The following KCNMA1 variants were observed in gnomAD, a reference collection of about 807,000 sequenced individuals.
KCNMA1 encodes Calcium-activated potassium channel subunit alpha-1.
Under a neutral mutation model 140.0 loss-of-function variants are expected in KCNMA1, and 29 were observed. That is an observed-to-expected ratio of 0.21 (90% CI 0.15 to 0.28). The LOEUF is 0.28. Among genes scored for constraint, KCNMA1 ranks in the 10% least tolerant of loss-of-function variants. The pLI is 1.00. For missense variants in KCNMA1, 880 were observed against 1,602.2 expected (o/e 0.55, Z 7.70); for synonymous variants, 612 against 611.9 (o/e 1.00, Z 0.00).
intron 2 of KCNMA1, among the ~76,000 whole-genome samples, chr10:77,285,047 T>C (rs993224558): frequency 1.3e-5 from 2 of 152,200 alleles, no homozygotes; most frequent in African/African-American, 4.8e-5. Context: ...CTGTAAGCAT[T>C]AACAGTTTGT....
intron 2 of KCNMA1, among the ~76,000 whole-genome samples, chr10:77,297,585 T>C (rs1026603762): frequency 2.0e-5 from 3 of 152,158 alleles, no homozygotes; most frequent in Non-Finnish European, 4.4e-5. Flanking sequence ...TGAACCTATT[T>C]GGTAAACTGT....
At chr10:76,910,194 T>C (rs1265746728) in intron 24 of KCNMA1, 98 bp from the exon 25 acceptor site, 2 of 1,381,328 alleles carry the variant, frequency 1.4e-6, no homozygotes, top group African/African-American at 1.4e-5. Context: ...ACTGAAGTCA[T>C]TGAGAAGGAA....
At chr10:77,057,252 G>A (rs529731465) in intron 14 of KCNMA1, among the ~76,000 whole-genome samples, 1 of 152,180 alleles carries the variant, frequency 6.6e-6, no homozygotes, top group African/African-American at 2.4e-5. Flanking sequence ...AAACAATGGA[G>A]GCAAGAAGAA....
intron 3 of KCNMA1, among the ~76,000 whole-genome samples, chr10:77,198,525 TTTC>T (rs1223319341): frequency 6.7e-6 from 1 of 149,870 alleles, no homozygotes; most frequent in Non-Finnish European, 1.5e-5. Context: ...CTCAAAGGTA[TTTC>T]TTATCAAAAT....
chr10:77,007,119 C>T (rs1017492520), intron 18 of KCNMA1, among the ~76,000 whole-genome samples: 2 of 152,184 alleles, frequency 1.3e-5, no homozygotes, highest in African/African-American at 4.8e-5. Flanking sequence ...TGAATAAAGA[C>T]CCAAAGCTCA....
chr10:77,215,367 C>CAGTTT (rs1554994939), intron 3 of KCNMA1, among the ~76,000 whole-genome samples: 4 of 147,486 alleles, frequency 2.7e-5, no homozygotes, highest in African/African-American at 5.0e-5. Context: ...CAGATTGCAC[C>CAGTTT]TGTTTTGTTT....
intron 5 of KCNMA1, among the ~76,000 whole-genome samples, chr10:77,151,856 C>G (rs2098421975): frequency 6.6e-6 from 1 of 152,170 alleles, no homozygotes; most frequent in Non-Finnish European, 1.5e-5. Flanking sequence ...GTCAGGAAAT[C>G]TTGCAATTTT....
At chr10:77,183,664 T>G in intron 4 of KCNMA1, 132 bp from the exon 5 acceptor site, 1 of 702,212 alleles carries the variant, frequency 1.4e-6, no homozygotes, top group East Asian at 2.7e-5. Flanking sequence ...TTTTTGTATT[T>G]TTAGTAAAGA....
chr10:77,158,662 T>G (rs1360194919), intron 5 of KCNMA1, among the ~76,000 whole-genome samples: 1 of 152,168 alleles, frequency 6.6e-6, no homozygotes, highest in African/African-American at 2.4e-5. Flanking sequence ...TGCTAAGAAG[T>G]TGTCTTGAGA....
intron 8 of KCNMA1, among the ~76,000 whole-genome samples, chr10:77,109,260 A>C (rs758901657): frequency 2.2e-4 from 34 of 152,142 alleles, no homozygotes; most frequent in Non-Finnish European, 4.0e-4. Flanking sequence ...GCATGTGCAC[A>C]TTTATATACA....
At chr10:76,994,169 C>T (rs1466335596) in intron 19 of KCNMA1, among the ~76,000 whole-genome samples, 1 of 152,170 alleles carries the variant, frequency 6.6e-6, no homozygotes, top group Non-Finnish European at 1.5e-5. Flanking sequence ...GCCAGACTCA[C>T]TGGCTATGAG....
At chr10:76,980,174 C>T (rs1196349398) in intron 19 of KCNMA1, 1 of 152,142 alleles carries the variant, frequency 6.6e-6, no homozygotes, top group African/African-American at 2.4e-5. Context: ...CTGGCCTCAC[C>T]CTCTTTTGCG....
chr10:77,533,115 T>G (rs1398652647), intron 1 of KCNMA1, among the ~76,000 whole-genome samples: 1 of 152,218 alleles, frequency 6.6e-6, no homozygotes, highest in Non-Finnish European at 1.5e-5. Context: ...ATTTCTGACA[T>G]ATGAACACTC....
intron 14 of KCNMA1, among the ~76,000 whole-genome samples, chr10:77,063,473 G>T (rs1425951768): frequency 6.6e-6 from 1 of 152,072 alleles, no homozygotes; most frequent in African/African-American, 2.4e-5. Context: ...CACGTAAACT[G>T]AAAAGTGCTG....
At chr10:77,039,658 C>A (rs200106407) in intron 14 of KCNMA1, 21 bp from the exon 15 acceptor site, 1 of 1,455,550 alleles carries the variant, frequency 6.9e-7, no homozygotes, top group Non-Finnish European at 9.7e-7. Context: ...GGAACACATG[C>A]GGAGAGTTTA....
At chr10:77,024,579 C>A (rs983927173) in intron 16 of KCNMA1, among the ~76,000 whole-genome samples, 16 of 151,828 alleles carry the variant, frequency 1.1e-4, no homozygotes, top group African/African-American at 3.9e-4. Flanking sequence ...TTTTTAAATG[C>A]CATTGATGAT....
chr10:77,479,943 G>A (rs911454420), intron 1 of KCNMA1, among the ~76,000 whole-genome samples: 6 of 152,156 alleles, frequency 3.9e-5, no homozygotes, highest in East Asian at 1.9e-4. Context: ...TGTGTCCCAC[G>A]GAGCCAAGCC....
chr10:77,079,908 A>G (rs1404679911), intron 12 of KCNMA1, among the ~76,000 whole-genome samples: 1 of 152,158 alleles, frequency 6.6e-6, no homozygotes, highest in Non-Finnish European at 1.5e-5. Context: ...GAAATCAACT[A>G]TCTCTTGGAA....
chr10:77,331,079 T>A (rs1213615519), intron 2 of KCNMA1, among the ~76,000 whole-genome samples: 1 of 151,908 alleles, frequency 6.6e-6, no homozygotes, highest in African/African-American at 2.4e-5. Context: ...CCAGTCTAAG[T>A]CCAGTGTCTT....
Sources: allele counts gnomAD v4.1 joint callset (sites outside exome capture counted in the v4.1 genomes callset), GRCh38; gene constraint gnomAD v4.1.1; transcripts MANE v1.5; gene names NCBI Gene and HGNC (gene_info 2026-07-23, HGNC 2026-07-21).